The following TAF3 variants were observed in gnomAD, a reference collection of about 807,000 sequenced individuals.
TAF3 encodes the protein transcription initiation factor TFIID subunit 3.
A neutral mutation model predicts 80.6 loss-of-function variants in TAF3; 7 were observed. That is an observed-to-expected ratio of 0.09 (90% CI 0.05 to 0.16). The LOEUF is 0.16. Ranked by LOEUF, TAF3 falls within the 10% of genes least tolerant of loss-of-function variation. TAF3 has a pLI of 1.00. For synonymous variants in TAF3, 444 were observed against 446.1 expected (o/e 1.00, Z 0.06); for missense variants, 921 against 1,140.2 (o/e 0.81, Z 2.77).
intron 2 of TAF3, among the ~76,000 whole-genome samples, chr10:7,941,058 G>A (rs1837971416): frequency 6.6e-6 from 1 of 152,136 alleles, no homozygotes; most frequent in Non-Finnish European, 1.5e-5. Flanking sequence ...CTGCTGGAAG[G>A]AAGAAAAGTC....
intron 2 of TAF3, among the ~76,000 whole-genome samples, chr10:7,837,456 A>G (rs1836862636): frequency 6.6e-6 from 1 of 152,074 alleles, no homozygotes. Context: ...CAGCTTGGCC[A>G]GCATGGCGAA....
chr10:7,906,284 G>T (rs1335576778), intron 2 of TAF3, among the ~76,000 whole-genome samples: 1 of 152,040 alleles, frequency 6.6e-6, no homozygotes, highest in East Asian at 1.9e-4. Flanking sequence ...CTAACCAAAG[G>T]GTAAAACAAA....
intron 2 of TAF3, among the ~76,000 whole-genome samples, chr10:7,883,077 A>G (rs1837376942): frequency 6.6e-6 from 1 of 152,208 alleles, no homozygotes; most frequent in Admixed American, 6.5e-5. Context: ...CATTGATACA[A>G]TACTGTCATC....
At chr10:7,944,093 T>TTTTGTG (rs765780073) in intron 2 of TAF3, among the ~76,000 whole-genome samples, 7 of 137,092 alleles carry the variant, frequency 5.1e-5, no homozygotes, top group African/African-American at 1.7e-4. Context: ...ATGTTCATGC[T>TTTTGTG]TGTGTGTGTG....
Position 7,993,474 on chromosome 10 carries a change from C to G in TAF3, c.2316-15604C>G, listed in dbSNP as rs1327480288. ...GATTATAGGCGTGAGCCACCATGCC[C>G]AGCCGCTTCCTTTTTGCCATGCAAT... On this transcript the variant is annotated intron_variant, in intron 4 of 6. Coordinates refer to ENST00000344293, the MANE Select transcript of TAF3 (RefSeq NM_031923.4). Among the ~76,000 whole-genome samples, 5 of 152,300 alleles carry G rather than the reference C, an allele frequency of 3.3e-5. No homozygotes were observed. In the South Asian group the frequency reaches 1.0e-3, roughly 32 times the overall value.
chr10:7,828,072 AG>A (rs1190728592), intron 2 of TAF3, among the ~76,000 whole-genome samples: 2 of 152,196 alleles, frequency 1.3e-5, no homozygotes, highest in African/African-American at 4.8e-5. Context: ...TCACGCTATA[AG>A]GGGAATCGGT....
At chr10:8,010,632 C>A (rs563582566) in intron 5 of TAF3, among the ~76,000 whole-genome samples, 1 of 152,200 alleles carries the variant, frequency 6.6e-6, no homozygotes, top group East Asian at 1.9e-4. Context: ...ACCAGCTGGA[C>A]GCAGTGGCTT....
At chr10:7,897,456 A>G (rs1418977363) in intron 2 of TAF3, among the ~76,000 whole-genome samples, 2 of 152,122 alleles carry the variant, frequency 1.3e-5, no homozygotes, top group African/African-American at 2.4e-5. Context: ...CTCTCTAGCA[A>G]ATTTAGATTC....
chr10:7,908,011 C>G (rs1009190351), intron 2 of TAF3, among the ~76,000 whole-genome samples: 15 of 152,160 alleles, frequency 9.9e-5, no homozygotes, highest in Admixed American at 9.8e-4. Flanking sequence ...GGCAGTGGTG[C>G]AGATTTGCTC....
intron 2 of TAF3, among the ~76,000 whole-genome samples, chr10:7,864,195 G>A (rs1042254972): frequency 6.6e-6 from 1 of 152,130 alleles, no homozygotes; most frequent in East Asian, 1.9e-4. Context: ...ATCATACAGA[G>A]TAGTTTCACT....
In TAF3 at chr10:7,956,259, G is replaced by A. The variant is rs148100590; in HGVS notation, c.410-7661G>A. Among the ~76,000 whole-genome samples, 567 of 152,240 alleles carry A rather than the reference G, an allele frequency of 3.7e-3. 4 individuals carry two copies. The highest frequency in any genetic ancestry group is 0.02 in the South Asian group (97 of 4,822). On this transcript the variant is annotated intron_variant, in intron 2 of 6. Transcript: ENST00000344293. ...AATCCCAGCACTTTGAGGGGCCGAG[G>A]TGGGCAGATCACGAGGTCAGGAGTT...
intron 2 of TAF3, among the ~76,000 whole-genome samples, chr10:7,850,706 T>TAC (rs1837019252): frequency 1.3e-5 from 2 of 151,886 alleles, no homozygotes; most frequent in South Asian, 2.1e-4. Flanking sequence ...TATATATATA[T>TAC]ACACACACAT....
intron 2 of TAF3, among the ~76,000 whole-genome samples, chr10:7,868,517 G>A (rs1465900927): frequency 6.6e-6 from 1 of 152,220 alleles, no homozygotes; most frequent in African/African-American, 2.4e-5. Flanking sequence ...ATCAGGAGTG[G>A]AGGCAGTGTG....
chr10:7,895,855 A>G (rs2131166803), intron 2 of TAF3, among the ~76,000 whole-genome samples: 1 of 152,292 alleles, frequency 6.6e-6, no homozygotes, highest in Middle Eastern at 3.4e-3. Flanking sequence ...GTAGGCATTC[A>G]CCAATGTCAG....
chr10:8,012,591 C>T (rs181796153), intron 5 of TAF3, among the ~76,000 whole-genome samples: 1 of 152,340 alleles, frequency 6.6e-6, no homozygotes, highest in African/African-American at 2.4e-5. Flanking sequence ...GCCTTGGCCT[C>T]TAGACAGCAG....
intron 2 of TAF3, among the ~76,000 whole-genome samples, chr10:7,930,145 A>G (rs1837854950): frequency 1.3e-5 from 2 of 152,122 alleles, no homozygotes. Flanking sequence ...ACTGCAGTGA[A>G]CCGTGATTGT....
At chr10:7,929,049 A>G (rs1441982497) in intron 2 of TAF3, among the ~76,000 whole-genome samples, 2 of 152,150 alleles carry the variant, frequency 1.3e-5, no homozygotes, top group Non-Finnish European at 2.9e-5. Context: ...ATTTAATGTA[A>G]TAACAGTATT....
At chr10:7,978,214 T>A (rs1251578983) in intron 4 of TAF3, among the ~76,000 whole-genome samples, 7 of 152,242 alleles carry the variant, frequency 4.6e-5, no homozygotes. Flanking sequence ...CCATTTACAT[T>A]CAATTTTTAG....
At chr10:7,980,916 G>A (rs1433376204) in intron 4 of TAF3, among the ~76,000 whole-genome samples, 2 of 152,158 alleles carry the variant, frequency 1.3e-5, no homozygotes, top group Non-Finnish European at 2.9e-5. Flanking sequence ...GCAAATGTAG[G>A]TAGAATTGGC....
Sources: gnomAD v4.1 joint callset for allele counts (sites outside exome capture counted in the v4.1 genomes callset) on GRCh38, gnomAD v4.1.1 for gene constraint, MANE v1.5 for transcripts, NCBI Gene and HGNC (gene_info 2026-07-23, HGNC 2026-07-21) for gene names.